The following AGAP1 variants were observed in gnomAD, a reference collection of about 807,000 sequenced individuals.
The protein encoded by AGAP1 is ArfGAP with GTPase domain, ankyrin repeat and PH domain 1.
In AGAP1, 29 loss-of-function variants were observed where a neutral mutation model predicts 105.3. The observed-to-expected ratio is 0.28, with a 90% CI of 0.21 to 0.38. The LOEUF (loss-of-function observed/expected upper bound fraction) is 0.38, where lower values mean the gene tolerates loss of function less well. Among genes scored for constraint, AGAP1 ranks in the 10% least tolerant of loss-of-function variants. The pLI is 1.00. For synonymous variants in AGAP1, 509 were observed against 485.9 expected (o/e 1.05, Z -0.63); for missense variants, 998 against 1,165.1 (o/e 0.86, Z 2.09).
chr2:235,759,450 TGA>T (rs1954252475), intron 6 of AGAP1, among the ~76,000 whole-genome samples: 2 of 152,108 alleles, frequency 1.3e-5, no homozygotes, highest in Admixed American at 6.5e-5. Context: ...ATTACAGGCG[TGA>T]GCCACCGCGC....
rs1559393727 is a variant in AGAP1, at chr2:235,719,843, AC to A, written c.310+2203del. Among the ~76,000 whole-genome samples the A allele has an allele frequency of 6.6e-6, 1 of 152,148 alleles. No homozygotes were observed. The highest frequency in any genetic ancestry group is 2.1e-4 in the South Asian group (1 of 4,826). The stretch of plus-strand genomic sequence containing the variant: ...CTGACAGCAGCAGACACCCAGGTGC[AC>A]CCCAGTGGGTGTGTGTCTAGGGCCC... On this transcript the variant is annotated intron_variant, in intron 3 of 17. Transcript: ENST00000304032. The surrounding 1 kb of genome is among the most constrained non-coding windows in gnomAD (Gnocchi z 4.9).
chr2:235,494,906 G>T (rs1259801848), intron 1 of AGAP1, 57 bp downstream of exon 1: 1 of 1,504,892 alleles, frequency 6.6e-7, no homozygotes, highest in East Asian at 2.8e-5. Context: ...CGGCGCGGCG[G>T]GGGTGTGCGC....
intron 16 of AGAP1, among the ~76,000 whole-genome samples, chr2:236,068,650 A>T (rs1402499716): frequency 7.6e-5 from 11 of 144,182 alleles, no homozygotes; most frequent in African/African-American, 2.6e-5. Context: ...AATACAAAAA[A>T]TTAGCCGGGC....
chr2:236,114,512 T>C lies in AGAP1; in HGVS notation c.2115-5680T>C, dbSNP rs2059722913. 6.6e-6 allele frequency among the ~76,000 whole-genome samples: 1 copy of C among 152,164 alleles called. No homozygotes were observed. The highest frequency in any genetic ancestry group is 1.5e-5 in the Non-Finnish European group (1 of 68,024). On this transcript the variant is annotated intron_variant, in intron 16 of 17. Coordinates refer to ENST00000304032, the MANE Select transcript of AGAP1 (RefSeq NM_001037131.3). The surrounding 1 kb of genome is among the most constrained non-coding windows in gnomAD (Gnocchi z 5.0). ...CTTGGGTGGCTTAAGTGCGGGACAT[T>C]CACGTCTCACAGTTCTGGAGGCTGG... is the stretch of plus-strand genomic sequence containing the variant.
rs1045644052 is a variant in AGAP1 at position 235,577,556 on chromosome 2, G to A, written c.163+82707G>A. Among the ~76,000 whole-genome samples the A allele has an allele frequency of 6.6e-5, 10 of 152,068 alleles. No individual in the cohort carries two copies. The highest frequency in any genetic ancestry group is 2.6e-4 in the Admixed American group (4 of 15,272). ...GTGTCCCTGGTCGCTTGCTGGAGTC[G>A]GTGGGAGCTGAGAGTCCCTTGCTGC... is the stretch of plus-strand genomic sequence containing the variant. On this transcript the variant is annotated intron_variant, in intron 1 of 17. Coordinates refer to ENST00000304032, the MANE Select transcript of AGAP1 (RefSeq NM_001037131.3). This position sits in a 1 kb window ranked among gnomAD's most constrained non-coding sequence, Gnocchi z 4.5.
chr2:235,831,550 G>T (rs1959414365), intron 9 of AGAP1, among the ~76,000 whole-genome samples: 1 of 152,194 alleles, frequency 6.6e-6, no homozygotes, highest in African/African-American at 2.4e-5. Flanking sequence ...ATGCCATAGA[G>T]TTGGAATGAT....
In AGAP1 at chr2:235,952,351, G is replaced by C. The variant is rs72989274; in HGVS notation, c.1484-16111G>C. On this transcript the variant is annotated intron_variant, in intron 12 of 17. Transcript: ENST00000304032. Reference sequence around the variant, plus strand: ...GTCTGTCAAAGAAGTTATAACATAGGTTTTAAAAAAAAAAATTTCATCAGC... The same window carrying C: ...GTCTGTCAAAGAAGTTATAACATAGCTTTTAAAAAAAAAAATTTCATCAGC... Among the ~76,000 whole-genome samples the C allele has an allele frequency of 6.4e-3, 964 of 149,490 alleles. 8 individuals carry two copies. The highest frequency in any genetic ancestry group is 8.1e-3 in the Non-Finnish European group (550 of 67,878).
Position 236,123,228 on chromosome 2 carries a change from G to C in AGAP1, c.2371-691G>C, listed in dbSNP as rs7578086. Reference sequence around the variant, plus strand: ...AGCTGGGACCACAGGCATATGCCACGTGCCCAGCTAATTTTTTTAAAATGT... The same window carrying C: ...AGCTGGGACCACAGGCATATGCCACCTGCCCAGCTAATTTTTTTAAAATGT... On this transcript the variant is annotated intron_variant, in intron 17 of 17. Transcript: ENST00000304032. The surrounding 1 kb of genome is among the most constrained non-coding windows in gnomAD (Gnocchi z 4.6). 1.3e-5 allele frequency among the ~76,000 whole-genome samples: 2 copies of C among 151,956 alleles called. No individual in the cohort carries two copies. Among genetic ancestry groups the C allele is most frequent in the Admixed American group, 6.6e-5 (1 of 15,262 alleles).
rs975310903 is a variant in AGAP1 at position 235,870,519 on chromosome 2, C to T, written c.1051-12826C>T. Reference sequence around the variant, plus strand: ...CACATGTGTGTAATCCCATCTACTTCGGAGGCTGAGGCAGGAGAATCACTT... The same window carrying T: ...CACATGTGTGTAATCCCATCTACTTTGGAGGCTGAGGCAGGAGAATCACTT... On this transcript the variant is annotated intron_variant, in intron 9 of 17. Transcript: ENST00000304032. Among the ~76,000 whole-genome samples, 11 of 151,838 alleles carry T rather than the reference C, an allele frequency of 7.2e-5. No homozygotes were observed. The East Asian group carries it at 1.6e-3, about 21-fold the overall frequency.
rs869287617 is a variant in AGAP1, at chr2:235,686,646, G to GAT, written c.164-22514_164-22513dup. Reference sequence around the variant, plus strand: ...ATATATATATATATATATATATATAGATATATATATATATATATATTTTTT... The same window carrying GAT: ...ATATATATATATATATATATATATAGATATATATATATATATATATATTTTTT... On this transcript the variant is annotated intron_variant, in intron 1 of 17. Transcript: ENST00000304032. Among the ~76,000 whole-genome samples, 64 of 18,826 alleles carry GAT rather than the reference G, an allele frequency of 3.4e-3. 1 individual carries two copies. Among genetic ancestry groups the GAT allele is most frequent in the East Asian group, 5.4e-3 (4 of 744 alleles). The allele number at this position is 18,826 out of a possible 152,430, so 12.4% of individuals were successfully genotyped here.
At chr2:235,804,661 A>G (rs572206744) in intron 8 of AGAP1, among the ~76,000 whole-genome samples, 3 of 152,230 alleles carry the variant, frequency 2.0e-5, no homozygotes, top group Non-Finnish European at 2.9e-5. Flanking sequence ...GGGAAGTTAA[A>G]CATTTTTGTA....
rs1164006413 is a variant in AGAP1 at position 235,549,634 on chromosome 2, A to G, written c.163+54785A>G. On this transcript the variant is annotated intron_variant, in intron 1 of 17. Coordinates refer to ENST00000304032, the MANE Select transcript of AGAP1 (RefSeq NM_001037131.3). This position sits in a 1 kb window ranked among gnomAD's most constrained non-coding sequence, Gnocchi z 4.2. The stretch of plus-strand genomic sequence containing the variant: ...TGTTTCTTTAAAACTCCTTGGCACC[A>G]TCTAATTTTTTAAAAATGAGCCTAA... 6.6e-6 allele frequency among the ~76,000 whole-genome samples: 1 copy of G among 152,182 alleles called. No individual in the cohort carries two copies. The highest frequency in any genetic ancestry group is 1.5e-5 in the Non-Finnish European group (1 of 68,026).
intron 2 of AGAP1, among the ~76,000 whole-genome samples, chr2:235,709,911 C>T (rs1221743739): frequency 6.6e-6 from 1 of 151,904 alleles, no homozygotes; most frequent in Admixed American, 6.6e-5. Flanking sequence ...AAATATGTGG[C>T]ATTTGTGTGT....
rs768010582 is a variant in AGAP1, at chr2:235,700,472, A to G, written c.164-8707A>G. Among the ~76,000 whole-genome samples, 8 of 152,144 alleles carry G rather than the reference A, an allele frequency of 5.3e-5. No homozygotes were observed. The highest frequency in any genetic ancestry group is 8.8e-5 in the Non-Finnish European group (6 of 68,030). ...AACACCGTGATTCTGGAGGGGTATT[A>G]TGAGGCACTCAGGAATGCTTTTGAA... On this transcript the variant is annotated intron_variant, in intron 1 of 17. Coordinates refer to ENST00000304032, the MANE Select transcript of AGAP1 (RefSeq NM_001037131.3). The surrounding 1 kb of genome is among the most constrained non-coding windows in gnomAD (Gnocchi z 6.1).
At position 235,538,357 on chromosome 2, in the gene AGAP1, G is replaced by C. The variant is rs11894419; in HGVS notation, c.163+43508G>C. Reference sequence around the variant, plus strand: ...CATTATTCAATCACAAAATGCATTGGATTCTACTCAGACTGTCGGAGAATA... The same window carrying C: ...CATTATTCAATCACAAAATGCATTGCATTCTACTCAGACTGTCGGAGAATA... On this transcript the variant is annotated intron_variant, in intron 1 of 17. Transcript: ENST00000304032. Among the ~76,000 whole-genome samples, 880 of 151,478 alleles carry C rather than the reference G, an allele frequency of 5.8e-3. 7 individuals carry two copies. The highest frequency in any genetic ancestry group is 0.021 in the African/African-American group (848 of 41,270).
chr2:236,097,633 G>A (rs981169826), intron 16 of AGAP1, among the ~76,000 whole-genome samples: 2 of 151,990 alleles, frequency 1.3e-5, no homozygotes, highest in Middle Eastern at 3.4e-3. Flanking sequence ...AGTGTCTCAC[G>A]CCTGTAATGC....
chr2:235,554,071 C>T lies in AGAP1; in HGVS notation c.163+59222C>T, dbSNP rs571199565. 9.7e-3 allele frequency among the ~76,000 whole-genome samples: 1,482 copies of T among 152,220 alleles called. 6 individuals carry two copies. Among genetic ancestry groups the T allele is most frequent in the Non-Finnish European group, 0.016 (1,122 of 68,010 alleles). On this transcript the variant is annotated intron_variant, in intron 1 of 17. Coordinates refer to ENST00000304032, the MANE Select transcript of AGAP1 (RefSeq NM_001037131.3). Reference sequence around the variant, plus strand: ...CACCCAGTCACTGCAGGAGACCTGCCGAAGGGCTCTGGGGAAAGTGATCTT... The same window carrying T: ...CACCCAGTCACTGCAGGAGACCTGCTGAAGGGCTCTGGGGAAAGTGATCTT...
chr2:236,037,819 C>T lies in AGAP1; in HGVS notation c.1800+1104C>T, dbSNP rs571376252. 1.2e-4 allele frequency among the ~76,000 whole-genome samples: 18 copies of T among 152,290 alleles called. No individual in the cohort carries two copies. The South Asian group carries it at 3.7e-3, about 32-fold the overall frequency. On this transcript the variant is annotated intron_variant, in intron 14 of 17. Transcript: ENST00000304032. ...TTTAATGTTTGTTTGTCTTTAACCTCTTTGCTGGGACGTCTTAGACTTTTG... is the reference window on the plus strand; with the variant it reads ...TTTAATGTTTGTTTGTCTTTAACCTTTTTGCTGGGACGTCTTAGACTTTTG...
At chr2:235,592,543 AGGTT>A (rs1945382685) in intron 1 of AGAP1, among the ~76,000 whole-genome samples, 1 of 151,892 alleles carries the variant, frequency 6.6e-6, no homozygotes, top group South Asian at 2.1e-4. Context: ...GAGCTCTTGG[AGGTT>A]CTCCCTAAGG....
Sources: allele counts gnomAD v4.1 joint callset (sites outside exome capture counted in the v4.1 genomes callset), GRCh38; gene constraint gnomAD v4.1.1; non-coding constraint Gnocchi (gnomAD v3.1); transcripts MANE v1.5; gene names NCBI Gene and HGNC (gene_info 2026-07-23, HGNC 2026-07-21).